The following SAMD4B variants were observed in gnomAD, a reference collection of about 807,000 sequenced individuals.
The protein encoded by SAMD4B is sterile alpha motif domain containing 4B.
Under a neutral mutation model 74.5 loss-of-function variants are expected in SAMD4B, and 5 were observed. That is an observed-to-expected ratio of 0.07 (90% CI 0.04 to 0.14). The LOEUF is 0.14. Ranked by LOEUF, SAMD4B falls within the 10% of genes least tolerant of loss-of-function variation. The pLI is 1.00. For missense variants in SAMD4B, 608 were observed against 921.8 expected, an observed-to-expected ratio of 0.66 and a Z score of 4.41; for synonymous variants, 373 against 374.9, an observed-to-expected ratio of 1.00 and a Z score of 0.06.
chr19:39,386,273 C>G (rs766462807), downstream of SAMD4B: 4 of 1,614,198 alleles, frequency 2.5e-6, no homozygotes, highest in Non-Finnish European at 2.5e-6. The surrounding 1 kb of genome is among the most constrained non-coding windows in gnomAD (Gnocchi z 6.1). Context: ...CCTCGCTGCT[C>G]TCGTCCTCAC....
chr19:39,388,892 G>T (rs373773927), downstream of SAMD4B: 30 of 1,611,660 alleles, frequency 1.9e-5, no homozygotes, highest in African/African-American at 2.9e-4. Context: ...ACTGGGGTTA[G>T]ATGGGAACAG....
At chr19:39,366,880 T>C (rs1380792963) in intron 3 of SAMD4B, among the ~76,000 whole-genome samples, 2 of 152,208 alleles carry the variant, frequency 1.3e-5, no homozygotes, top group Non-Finnish European at 2.9e-5. Flanking sequence ...TTATAGGTGC[T>C]TATTCCTAGC....
rs1419224453 is a variant in SAMD4B, at chr19:39,356,753, A to G, written c.-141A>G. On this transcript the variant is annotated 5_prime_UTR_variant, in exon 3 of 14. Coordinates refer to ENST00000610417, the MANE Select transcript of SAMD4B (RefSeq NM_001384574.2). Reference sequence around the variant, plus strand: ...TGTGAGCAGGCTTCCTCCTCCCCCAACAACCGTTGCCACCACGCCCAGAAA... The same window carrying G: ...TGTGAGCAGGCTTCCTCCTCCCCCAGCAACCGTTGCCACCACGCCCAGAAA... The G allele has an allele frequency of 1.7e-5, 11 of 654,922 alleles. No individual in the cohort carries two copies. Among genetic ancestry groups the G allele is most frequent in the Admixed American group, 3.1e-5 (1 of 32,452 alleles). 40.6% of individuals were successfully genotyped at this position (654,922 alleles called of 1,614,324 possible). A position where few individuals can be genotyped will look rare whatever the true frequency, so the allele number is the denominator to read the frequency against.
chr19:39,354,378 T>G (rs963735776), intron 2 of SAMD4B, among the ~76,000 whole-genome samples: 6 of 150,052 alleles, frequency 4.0e-5, no homozygotes, highest in Admixed American at 4.0e-4. Flanking sequence ...GTGCCTTCAA[T>G]TTTTTTTTCT....
chr19:39,370,135 G>A lies in SAMD4B; in HGVS notation c.667+10G>A, dbSNP rs200961415. 52 of 1,568,102 alleles carry A rather than the reference G, an allele frequency of 3.3e-5. No homozygotes were observed. The highest frequency in any genetic ancestry group is 4.1e-5 in the Non-Finnish European group (47 of 1,156,552). ...AGCAATGCAAACACAGGTAAGTGGC[G>A]GGGGTGTCCCAGAAGGCCATGCCTA... On this transcript the variant is annotated intron_variant, in intron 4 of 13. Coordinates refer to ENST00000610417, the MANE Select transcript of SAMD4B (RefSeq NM_001384574.2).
chr19:39,352,133 C>T (rs2076076079), intron 1 of SAMD4B: 1 of 152,202 alleles, frequency 6.6e-6, no homozygotes, highest in South Asian at 2.1e-4. Context: ...GACATAGGAA[C>T]CCTACCTTCA....
intron 3 of SAMD4B, chr19:39,369,445 C>A: frequency 1.7e-6 from 1 of 579,304 alleles, no homozygotes. Flanking sequence ...GAGACCCCAT[C>A]TCTTAAAAAA....
downstream of SAMD4B, among the ~76,000 whole-genome samples, chr19:39,388,079 T>A (rs1241471958): frequency 6.6e-6 from 1 of 152,158 alleles, no homozygotes; most frequent in Non-Finnish European, 1.5e-5. Flanking sequence ...AAGCGGAGGT[T>A]GCAGTGGGCT....
At chr19:39,379,694 C>A (rs985364395) in intron 9 of SAMD4B, among the ~76,000 whole-genome samples, 2 of 152,182 alleles carry the variant, frequency 1.3e-5, no homozygotes, top group African/African-American at 4.8e-5. Flanking sequence ...CCTCAGCCTC[C>A]CAAGTATCTG....
rs2077723334 is a variant in SAMD4B at position 39,378,283 on chromosome 19, T to C, written c.1445-221T>C. ...TGAGGCAAGTGACTCAACTCTGAGC[T>C]TTAGGTTTCTAAGGCTAAAAATGTG... On this transcript the variant is annotated intron_variant, in intron 8 of 13. Transcript: ENST00000610417. The surrounding 1 kb of genome is among the most constrained non-coding windows in gnomAD (Gnocchi z 4.4). Among the ~76,000 whole-genome samples, 1 of 152,200 alleles carries C rather than the reference T, an allele frequency of 6.6e-6. No individual in the cohort carries two copies. The highest frequency in any genetic ancestry group is 1.5e-5 in the Non-Finnish European group (1 of 68,028).
intron 1 of SAMD4B, chr19:39,351,447 G>A (rs1361070155): frequency 6.6e-6 from 1 of 152,178 alleles, no homozygotes; most frequent in Non-Finnish European, 1.5e-5. Context: ...AAGGCAAGGA[G>A]TCATTTTTGG....
chr19:39,351,375 A>C (rs2076032343), intron 1 of SAMD4B: 1 of 152,164 alleles, frequency 6.6e-6, no homozygotes, highest in African/African-American at 2.4e-5. Flanking sequence ...GTATGGTGGC[A>C]ATATTGCTGG....
intron 3 of SAMD4B, among the ~76,000 whole-genome samples, chr19:39,367,558 G>A (rs2077037880): frequency 6.9e-6 from 1 of 144,376 alleles, no homozygotes. Context: ...CCCCAGGCTG[G>A]AGTGCAGTGG....
At chr19:39,388,128 G>A (rs552232802), downstream of SAMD4B, among the ~76,000 whole-genome samples, 12 of 152,258 alleles carry the variant, frequency 7.9e-5, no homozygotes, top group African/African-American at 2.6e-4. Context: ...GCAACAGAGC[G>A]AGACTCCATC....
chr19:39,362,658 A>T (rs1465532437), intron 3 of SAMD4B, among the ~76,000 whole-genome samples: 5 of 152,106 alleles, frequency 3.3e-5, no homozygotes, highest in African/African-American at 1.2e-4. Context: ...CTTTCCTCTG[A>T]TGCTGACTTG....
At chr19:39,360,474 C>A (rs886935852) in intron 3 of SAMD4B, among the ~76,000 whole-genome samples, 3 of 152,160 alleles carry the variant, frequency 2.0e-5, no homozygotes, top group Non-Finnish European at 4.4e-5. Context: ...GAGGGAAGGC[C>A]ATGGTGTGTT....
At chr19:39,371,731 C>T (rs1376492431) in intron 4 of SAMD4B, among the ~76,000 whole-genome samples, 2 of 151,468 alleles carry the variant, frequency 1.3e-5, no homozygotes, top group East Asian at 1.9e-4. Context: ...GCAGGAAGGT[C>T]GCTTGAACCC....
intron 3 of SAMD4B, 47 bp downstream of exon 3, chr19:39,357,136 G>A: frequency 6.7e-7 from 1 of 1,503,056 alleles, no homozygotes; most frequent in East Asian, 2.4e-5. Context: ...AGGGAGACCT[G>A]GAACAGATGT....
chr19:39,377,002 T>G (rs536031013), intron 7 of SAMD4B, among the ~76,000 whole-genome samples: 25 of 152,360 alleles, frequency 1.6e-4, no homozygotes, highest in African/African-American at 6.0e-4. Context: ...TTTCCTGGTT[T>G]GTGGTTCCAG....
Sources: gnomAD v4.1 joint callset for allele counts (sites outside exome capture counted in the v4.1 genomes callset) on GRCh38, gnomAD v4.1.1 for gene constraint, Gnocchi (gnomAD v3.1) non-coding constraint, MANE v1.5 for transcripts, NCBI Gene and HGNC (gene_info 2026-07-23, HGNC 2026-07-21) for gene names.